COL24A1: variants seen among roughly 807,000 people sequenced by gnomAD.
COL24A1 encodes collagen type XXIV alpha 1 chain, also known as collagen alpha-1(XXIV) chain.
COL24A1 carries 224 observed loss-of-function variants against 253.9 expected under a neutral mutation model. That is an observed-to-expected ratio of 0.88 (90% CI 0.79 to 0.99). The LOEUF (loss-of-function observed/expected upper bound fraction) is 0.99, where lower values mean the gene tolerates loss of function less well. Ranked by LOEUF, COL24A1 falls within the 50% of genes least tolerant of loss-of-function variation. The pLI is 0.00. For synonymous variants in COL24A1, 685 were observed against 673.7 expected, an observed-to-expected ratio of 1.02 and a Z score of -0.26; for missense variants, 2,131 against 2,068.5, an observed-to-expected ratio of 1.03 and a Z score of -0.59.
chr1:85,760,071 T>TTTTG (rs1666693379), intron 55 of COL24A1, among the ~76,000 whole-genome samples: 1 of 149,650 alleles, frequency 6.7e-6, no homozygotes, highest in Non-Finnish European at 1.5e-5. Context: ...TTTTTTTTTT[T>TTTTG]TTTGTTTGTT....
intron 39 of COL24A1, among the ~76,000 whole-genome samples, chr1:85,847,385 C>T (rs1677245413): frequency 6.6e-6 from 1 of 152,072 alleles, no homozygotes; most frequent in African/African-American, 2.4e-5. Flanking sequence ...ATAAAATTTC[C>T]TAGTTTGGTT....
intron 19 of COL24A1, among the ~76,000 whole-genome samples, chr1:86,013,072 A>G (rs961181714): frequency 6.6e-6 from 1 of 152,202 alleles, no homozygotes; most frequent in Non-Finnish European, 1.5e-5. Context: ...GGTACTATTA[A>G]TATTTCTGTT....
At chr1:86,104,830 G>A (rs552901305) in intron 5 of COL24A1, among the ~76,000 whole-genome samples, 14 of 152,350 alleles carry the variant, frequency 9.2e-5, no homozygotes, top group Non-Finnish European at 1.8e-4. Flanking sequence ...TAGGGTGGTA[G>A]CAGTGGGATC....
intron 4 of COL24A1, 80 bp from the exon 5 acceptor site, chr1:86,112,700 A>G (rs41313359): frequency 0.013 from 17,293 of 1,295,076 alleles, 163 homozygotes; most frequent in Non-Finnish European, 0.016. Flanking sequence ...TCCTCTCAAC[A>G]TGTGTGATCC....
chr1:85,914,228 C>G (rs1039413716), intron 24 of COL24A1, among the ~76,000 whole-genome samples: 1 of 151,704 alleles, frequency 6.6e-6, no homozygotes, highest in Non-Finnish European at 1.5e-5. Context: ...TTTTAAATAC[C>G]TGCTATGGCC....
intron 27 of COL24A1, among the ~76,000 whole-genome samples, chr1:85,908,052 T>C (rs1433547308): frequency 6.6e-6 from 1 of 151,790 alleles, no homozygotes; most frequent in Admixed American, 6.6e-5. Context: ...AGAAAAGTTC[T>C]GCTCAGGGGA....
chr1:86,119,739 T>C (rs895105285), intron 3 of COL24A1, among the ~76,000 whole-genome samples: 2 of 152,250 alleles, frequency 1.3e-5, no homozygotes, highest in Middle Eastern at 3.4e-3. Context: ...ATCACCAAGA[T>C]ACAGTTGCCT....
At chr1:86,069,691 T>C (rs965757667) in intron 7 of COL24A1, among the ~76,000 whole-genome samples, 2 of 152,150 alleles carry the variant, frequency 1.3e-5, no homozygotes, top group Non-Finnish European at 2.9e-5. Context: ...TCCATTTGTT[T>C]AGAAGAAATT....
chr1:85,969,076 T>C (rs932664347), intron 22 of COL24A1, among the ~76,000 whole-genome samples: 1 of 152,188 alleles, frequency 6.6e-6, no homozygotes, highest in Non-Finnish European at 1.5e-5. Context: ...ATAATTAATA[T>C]TAAGACTGTG....
At position 85,838,632 on chromosome 1, in the gene COL24A1, C is replaced by T. The variant is rs758179860; in HGVS notation, c.3634G>A (p.Val1212Met). 1 of 1,613,918 alleles carries T rather than the reference C, an allele frequency of 6.2e-7. No homozygotes were observed. The highest frequency in any genetic ancestry group is 1.1e-5 in the South Asian group (1 of 91,078). Residue 1212 changes from valine (V) to methionine (M), a missense_variant, in exon 43 of 60, where the codon GTG (valine) becomes ATG (methionine). Coordinates refer to ENST00000370571, the MANE Select transcript of COL24A1 (RefSeq NM_152890.7). ...TCTCCTCTCTCTCCTTGGTCCCCCACTGGACCCTACAGAGACCACACACAA... is the reference window on the plus strand; with the variant it reads ...TCTCCTCTCTCTCCTTGGTCCCCCATTGGACCCTACAGAGACCACACACAA... ...PPGPRGEPGP[V>M]GDQGERGEPG...
intron 28 of COL24A1, among the ~76,000 whole-genome samples, chr1:85,903,238 T>C (rs943093921): frequency 1.1e-4 from 16 of 152,282 alleles, no homozygotes; most frequent in Middle Eastern, 3.4e-3. Context: ...TAATTAAAGG[T>C]AATAAAGCCT....
chr1:85,997,228 G>C (rs1461096848), intron 19 of COL24A1, among the ~76,000 whole-genome samples: 1 of 151,610 alleles, frequency 6.6e-6, no homozygotes, highest in East Asian at 1.9e-4. Flanking sequence ...ATTTTCAGCT[G>C]TGTAGGTGCC....
At chr1:85,933,561 A>G (rs750384433) in intron 24 of COL24A1, among the ~76,000 whole-genome samples, 7 of 152,212 alleles carry the variant, frequency 4.6e-5, no homozygotes, top group Admixed American at 6.5e-5. Flanking sequence ...CAAAGGTGCC[A>G]TATAACCTCT....
chr1:86,056,872 A>G (rs1313410632), intron 10 of COL24A1, among the ~76,000 whole-genome samples: 1 of 151,908 alleles, frequency 6.6e-6, no homozygotes, highest in African/African-American at 2.4e-5. Context: ...AAAAAAACAC[A>G]AAACAAAAAC....
rs754498099 is a variant in COL24A1, at chr1:85,842,111, C to T, written c.3527G>A (p.Gly1176Asp). Residue 1176 changes from glycine to aspartate, a missense_variant, in exon 41 of 60, where the codon GGC (glycine) becomes GAC (aspartate). Physicochemically the swap from Gly to Asp is moderately conservative, Grantham distance 94 (BLOSUM62 -1). Coordinates refer to ENST00000370571, the MANE Select transcript of COL24A1 (RefSeq NM_152890.7). ...PGIPGYRGHQGQPGPSGLPGP... is the reference protein window; with the variant it reads ...PGIPGYRGHQDQPGPSGLPGP... Reference sequence around the variant, plus strand: ...TGGCAATCCAGAGGGTCCTGGTTGGCCCTGATGGCCCTACGAAAGGACAAG... The same window carrying T: ...TGGCAATCCAGAGGGTCCTGGTTGGTCCTGATGGCCCTACGAAAGGACAAG... The T allele has an allele frequency of 1.2e-6, 2 of 1,613,638 alleles. No homozygotes were observed. Among genetic ancestry groups the T allele is most frequent in the African/African-American group, 1.3e-5 (1 of 75,036 alleles).
chr1:85,957,606 CTACCTCCAATCTGTT>C (rs1690596751), intron 24 of COL24A1, among the ~76,000 whole-genome samples: 1 of 152,268 alleles, frequency 6.6e-6, no homozygotes, highest in African/African-American at 2.4e-5. Flanking sequence ...GATTTGCAGC[CTACCTCCAATCTGTT>C]ATCTCAAATA....
chr1:85,813,397 A>G (rs1263302885), intron 47 of COL24A1, among the ~76,000 whole-genome samples: 1 of 150,302 alleles, frequency 6.7e-6, no homozygotes. Context: ...CTAAGGTAAA[A>G]GACAGAGGGA....
chr1:86,098,151 G>T (rs1704149723), intron 5 of COL24A1, among the ~76,000 whole-genome samples: 1 of 152,186 alleles, frequency 6.6e-6, no homozygotes, highest in Non-Finnish European at 1.5e-5. Flanking sequence ...GTCTCCTGAG[G>T]ATACTCCCTA....
chr1:85,824,086 G>A (rs1269781807), intron 43 of COL24A1, among the ~76,000 whole-genome samples: 2 of 152,072 alleles, frequency 1.3e-5, no homozygotes, highest in Non-Finnish European at 2.9e-5. Context: ...CTAAGTTAAG[G>A]ATCTCAAGAT....
Sources: allele counts gnomAD v4.1 joint callset (sites outside exome capture counted in the v4.1 genomes callset), GRCh38; gene constraint gnomAD v4.1.1; transcripts MANE v1.5; gene names NCBI Gene and HGNC (gene_info 2026-07-23, HGNC 2026-07-21).